LDB1: variants seen among roughly 807,000 people sequenced by gnomAD.
LDB1 encodes LIM domain binding 1.
Under a neutral mutation model 49.7 loss-of-function variants are expected in LDB1, and 6 were observed. The observed-to-expected ratio is 0.12, with a 90% CI of 0.07 to 0.24. The LOEUF (loss-of-function observed/expected upper bound fraction) is 0.24, where lower values mean the gene tolerates loss of function less well. LDB1 is among the 10% of genes least tolerant of loss of function. The probability of loss-of-function intolerance (pLI) is 1.00; values close to 1 mark genes in which losing one functional copy is unlikely to be tolerated. For missense variants in LDB1, 341 were observed against 561.7 expected, an observed-to-expected ratio of 0.61 and a Z score of 3.97; for synonymous variants, 233 against 202.0, an observed-to-expected ratio of 1.15 and a Z score of -1.30.
chr10:102,119,948 GC>G, intron 1 of LDB1, 137 bp downstream of exon 1: 1 of 533,334 alleles, frequency 1.9e-6, no homozygotes, highest in Non-Finnish European at 3.0e-6. Context: ...CCAGCCTGAG[GC>G]CCCGCGTAGC....
In LDB1 at chr10:102,108,246, C is replaced by T; in HGVS notation, c.1083G>A (p.Leu361=). The T allele has an allele frequency of 6.2e-7, 1 of 1,614,078 alleles. No homozygotes were observed. The highest frequency in any genetic ancestry group is 8.5e-7 in the Non-Finnish European group (1 of 1,179,982). ...GDEDERLITR[L]ENTQFDAANG... ...TGGCTGCGTCAAACTGGGTGTTCTC[C>T]AGCCGGGTGATGAGCCTCTCGTCCT... The change falls in exon 11 of 11, where the codon CTG becomes CTA. Residue 361 remains leucine (L), a synonymous_variant. Coordinates refer to ENST00000673968, the MANE Select transcript of LDB1 (RefSeq NM_001113407.3).
Position 102,111,453 on chromosome 10 carries a change from T to G in LDB1, c.109A>C (p.Met37Leu). The change falls in exon 2 of 11, where the codon ATG becomes CTG. Residue 37 changes from methionine (M) to leucine (L), a missense_variant. By Grantham distance (15) the Met-to-Leu change is conservative. Transcript: ENST00000673968. ...ACTTACCCCACATCCCTATCCAGCA[T>G]GGTGCCGGGATGGAAGGGGGGAAAG... Reference protein sequence around the residue: ...NAFPPFHPGTMLDRDVGPTPM... With the variant: ...NAFPPFHPGTLLDRDVGPTPM... 6.3e-7 allele frequency: 1 copy of G among 1,575,426 alleles called. No individual in the cohort carries two copies. The highest frequency in any genetic ancestry group is 1.2e-5 in the South Asian group (1 of 85,618).
chr10:102,107,865 A>AT lies in LDB1; in HGVS notation c.*227dup. ...GCCCAGGTTCCAAGTAGGCATCCACATGAGTACCCCCTCCCCCTAAAAGGC... is the reference window on the plus strand; with the variant it reads ...GCCCAGGTTCCAAGTAGGCATCCACATTGAGTACCCCCTCCCCCTAAAAGGC... On this transcript the variant is annotated 3_prime_UTR_variant, in exon 11 of 11. Coordinates refer to ENST00000673968, the MANE Select transcript of LDB1 (RefSeq NM_001113407.3). The AT allele has an allele frequency of 1.7e-6, 1 of 584,240 alleles. No homozygotes were observed. Among genetic ancestry groups the AT allele is most frequent in the East Asian group, 2.9e-5 (1 of 34,974 alleles). 36.2% of individuals were successfully genotyped at this position (584,240 alleles called of 1,614,324 possible). A position where few individuals can be genotyped will look rare whatever the true frequency, so the allele number is the denominator to read the frequency against.
In LDB1 at chr10:102,119,745, GA is replaced by G. The variant is rs202016367; in HGVS notation, c.25+340del. The stretch of plus-strand genomic sequence containing the variant: ...GCCAATCACAACTCTATGGTGACCT[GA>G]GGGGGGGGGTCAAAAGTCCAGAGTC... On this transcript the variant is annotated intron_variant, in intron 1 of 10. Transcript: ENST00000673968. 9.9e-3 allele frequency among the ~76,000 whole-genome samples: 1,417 copies of G among 142,896 alleles called. 20 individuals are homozygous for G. Among genetic ancestry groups the G allele is most frequent in the African/African-American group, 0.035 (1,350 of 38,368 alleles). The allele number at this position is 142,896 out of a possible 152,430, so 93.7% of individuals were successfully genotyped here.
intron 6 of LDB1, 149 bp downstream of exon 6, chr10:102,110,380 G>T: frequency 1.3e-6 from 1 of 764,806 alleles, no homozygotes; most frequent in Non-Finnish European, 2.1e-6. Flanking sequence ...ATACATGTTT[G>T]CTGACGGTTG....
chr10:102,103,616 C>A (rs1483081664), downstream of LDB1, among the ~76,000 whole-genome samples: 2 of 152,042 alleles, frequency 1.3e-5, no homozygotes, highest in South Asian at 2.1e-4. Flanking sequence ...GGGTTCAAGA[C>A]CAGCCTGGCT....
chr10:102,110,246 TAA>T, intron 6 of LDB1: 1 of 638,136 alleles, frequency 1.6e-6, no homozygotes, highest in South Asian at 2.0e-5. Context: ...TAGAAAAGCT[TAA>T]CAGATCCTTG....
chr10:102,103,552 G>T (rs1031947383), downstream of LDB1, among the ~76,000 whole-genome samples: 6 of 151,928 alleles, frequency 3.9e-5, no homozygotes, highest in East Asian at 1.9e-4. Context: ...AGTGACTCAG[G>T]TCTGTAATCT....
Position 102,106,992 on chromosome 10 carries a change from C to G in LDB1, c.*1101G>C, listed in dbSNP as rs1276846374. 6.6e-6 allele frequency among the ~76,000 whole-genome samples: 1 copy of G among 152,138 alleles called. No homozygotes were observed. Among genetic ancestry groups the G allele is most frequent in the African/African-American group, 2.4e-5 (1 of 41,406 alleles). Reference sequence around the variant, plus strand: ...GATGTCATCTGTGGCTCCTTCCCCTCTATGAAGGACAGAGTAGGATTACAT... The same window carrying G: ...GATGTCATCTGTGGCTCCTTCCCCTGTATGAAGGACAGAGTAGGATTACAT... On this transcript the variant is annotated 3_prime_UTR_variant, in exon 11 of 11. Coordinates refer to ENST00000673968, the MANE Select transcript of LDB1 (RefSeq NM_001113407.3).
intron 1 of LDB1, among the ~76,000 whole-genome samples, chr10:102,115,235 G>A (rs974586010): frequency 6.6e-6 from 1 of 152,134 alleles, no homozygotes; most frequent in African/African-American, 2.4e-5. Flanking sequence ...CGCCTCCCCC[G>A]AGCCCCAGGC....
At chr10:102,106,132 G>A (rs966331192), downstream of LDB1, among the ~76,000 whole-genome samples, 3 of 151,888 alleles carry the variant, frequency 2.0e-5, no homozygotes, top group South Asian at 2.1e-4. Context: ...CTCCCTCAAC[G>A]GCATAACCCA....
At position 102,110,019 on chromosome 10, in the gene LDB1, G is replaced by A. The variant is rs1449350911; in HGVS notation, c.550C>T (p.Leu184=). The part of the protein sequence containing the change: ...TQVCVEGRLY[L]EFMFDDMMRI... Reference sequence around the variant, plus strand: ...ATCATGTCGTCAAACATGAACTCCAGGTACAACCGGCCCTCCACACACACC... The same window carrying A: ...ATCATGTCGTCAAACATGAACTCCAAGTACAACCGGCCCTCCACACACACC... Residue 184 remains leucine, a synonymous_variant, in exon 7 of 11, where the codon CTG becomes TTG. Transcript: ENST00000673968. 1.2e-6 allele frequency: 2 copies of A among 1,613,270 alleles called. No homozygotes were observed. Among genetic ancestry groups the A allele is most frequent in the East Asian group, 2.2e-5 (1 of 44,870 alleles).
At chr10:102,114,824 T>G in intron 1 of LDB1, 1 of 110,766 alleles carries the variant, frequency 9.0e-6, no homozygotes, top group Non-Finnish European at 1.1e-5. Flanking sequence ...CCGCCCGCCC[T>G]CCCCAGGCCA....
chr10:102,118,339 C>T (rs967796264), intron 1 of LDB1, among the ~76,000 whole-genome samples: 1 of 152,230 alleles, frequency 6.6e-6, no homozygotes, highest in South Asian at 2.1e-4. Context: ...TCTTCCCTAT[C>T]TTTTGCCCTC....
intron 1 of LDB1, chr10:102,114,898 GCACACTCAAA>G: frequency 3.1e-6 from 3 of 960,834 alleles, no homozygotes; most frequent in Non-Finnish European, 3.7e-6. Context: ...ACTCACACTC[GCACACTCAAA>G]CACACACGCA....
chr10:102,119,067 T>A (rs2068369419), intron 1 of LDB1, among the ~76,000 whole-genome samples: 1 of 152,100 alleles, frequency 6.6e-6, no homozygotes, highest in Non-Finnish European at 1.5e-5. Flanking sequence ...CCTTGGGGAT[T>A]TGTGGGGGAG....
Position 102,110,749 on chromosome 10 carries a change from G to A in LDB1, c.353-48C>T, listed in dbSNP as rs1375349802. ...TCAGGACAAAGGGACCGCAAAAGGG[G>A]CCAGGCAGATGCCTCCCCTACCAAT... On this transcript the variant is annotated intron_variant, in intron 5 of 10. Transcript: ENST00000673968. 8 of 1,596,726 alleles carry A rather than the reference G, an allele frequency of 5.0e-6. No individual in the cohort carries two copies. In the East Asian group the frequency reaches 1.6e-4, roughly 31 times the overall value.
intron 1 of LDB1, 127 bp from the exon 2 acceptor site, chr10:102,111,663 C>T: frequency 1.8e-6 from 1 of 553,682 alleles, no homozygotes; most frequent in South Asian, 3.0e-5. Context: ...CCAGCCTAGG[C>T]AACATAGCGA....
At chr10:102,115,209 G>A (rs548513587) in intron 1 of LDB1, among the ~76,000 whole-genome samples, 1 of 152,136 alleles carries the variant, frequency 6.6e-6, no homozygotes, top group Admixed American at 6.5e-5. Flanking sequence ...GTGGGGGCCA[G>A]GAACGAAATG....
Sources: allele counts gnomAD v4.1 joint callset (sites outside exome capture counted in the v4.1 genomes callset), GRCh38; gene constraint gnomAD v4.1.1; transcripts MANE v1.5; gene names NCBI Gene and HGNC (gene_info 2026-07-23, HGNC 2026-07-21).